Variants in COL5A2 observed in about 807,000 individuals in gnomAD.
COL5A2 encodes the protein collagen alpha-2(V) chain.
COL5A2 carries 23 observed loss-of-function variants against 208.2 expected under a neutral mutation model. The ratio of observed to expected loss-of-function variants is 0.11; its 90% CI spans 0.08 to 0.16. The LOEUF (loss-of-function observed/expected upper bound fraction) is 0.16. Among genes scored for constraint, COL5A2 ranks in the 10% least tolerant of loss-of-function variants. The pLI is 1.00. For missense variants in COL5A2, 1,590 were observed against 1,956.4 expected, an observed-to-expected ratio of 0.81 and a Z score of 3.53; for synonymous variants, 625 against 628.5, an observed-to-expected ratio of 0.99 and a Z score of 0.08.
At chr2:189,125,832 C>G (rs964996352) in intron 1 of COL5A2, among the ~76,000 whole-genome samples, 1 of 151,938 alleles carries the variant, frequency 6.6e-6, no homozygotes, top group Non-Finnish European at 1.5e-5. Flanking sequence ...CCCATAACCC[C>G]CATATTGTTT....
the COL5A2 span, among the ~76,000 whole-genome samples, chr2:189,401,707 T>A: frequency 6.6e-6 from 1 of 152,236 alleles, no homozygotes; most frequent in South Asian, 2.1e-4. Context: ...CCTTTTTCTC[T>A]ACAACCTCAC....
At chr2:189,296,528 T>C in the COL5A2 span, among the ~76,000 whole-genome samples, 1 of 152,232 alleles carries the variant, frequency 6.6e-6, no homozygotes, top group East Asian at 1.9e-4. Context: ...CTATTACTGA[T>C]TATAAATGGT....
chr2:189,277,540 C>A, the COL5A2 span, among the ~76,000 whole-genome samples: 1 of 152,036 alleles, frequency 6.6e-6, no homozygotes, highest in African/African-American at 2.4e-5. Flanking sequence ...TTTTCCTAGA[C>A]TTAAGAATCA....
the COL5A2 span, among the ~76,000 whole-genome samples, chr2:189,234,448 G>A: frequency 7.4e-4 from 112 of 151,704 alleles, no homozygotes; most frequent in African/African-American, 2.5e-3. Flanking sequence ...TGGCTGAATC[G>A]CATATTTAAA....
chr2:189,110,977 T>G (rs568377078), intron 1 of COL5A2, among the ~76,000 whole-genome samples: 17 of 152,286 alleles, frequency 1.1e-4, no homozygotes, highest in African/African-American at 3.8e-4. Flanking sequence ...TATTTTTAAA[T>G]GTACAGTAAA....
At position 189,154,902 on chromosome 2, in the gene COL5A2, G is replaced by A. The variant is rs186195248; in HGVS notation, c.97+24606C>T. 1.2e-4 allele frequency among the ~76,000 whole-genome samples: 18 copies of A among 152,258 alleles called. 1 individual carries two copies. The East Asian group carries it at 2.5e-3, about 21-fold the overall frequency. ...ATTAGGTTGTAACTAAATGCTTGAC[G>A]AATGAATGAATAAATTAGTGGTTAT... is the stretch of plus-strand genomic sequence containing the variant. On this transcript the variant is annotated intron_variant, in intron 1 of 53. Transcript: ENST00000374866.
intron 1 of COL5A2, among the ~76,000 whole-genome samples, chr2:189,174,264 G>C (rs1033484056): frequency 6.6e-6 from 1 of 152,230 alleles, no homozygotes; most frequent in African/African-American, 2.4e-5. Context: ...GAAAGTAAGA[G>C]AGAGGAAATA....
chr2:189,402,441 G>A, the COL5A2 span, among the ~76,000 whole-genome samples: 13 of 152,130 alleles, frequency 8.5e-5, no homozygotes, highest in Non-Finnish European at 1.6e-4. Context: ...GGATGGTCTC[G>A]ATCTCCTGAC....
the COL5A2 span, among the ~76,000 whole-genome samples, chr2:189,355,211 A>C: frequency 6.6e-6 from 1 of 152,260 alleles, no homozygotes; most frequent in African/African-American, 2.4e-5. Context: ...CACGTGGTCA[A>C]TTTTAGAATA....
chr2:189,303,767 C>G, the COL5A2 span, among the ~76,000 whole-genome samples: 36 of 152,298 alleles, frequency 2.4e-4, no homozygotes, highest in East Asian at 6.4e-3. Flanking sequence ...GAGCTGTAAC[C>G]AATGTCACTG....
chr2:189,334,036 AT>A, the COL5A2 span, among the ~76,000 whole-genome samples: 7,024 of 152,070 alleles, frequency 0.046, 534 homozygotes, highest in African/African-American at 0.15. Flanking sequence ...ATCTCAATAG[AT>A]TTTTTAAACT....
intron 1 of COL5A2, among the ~76,000 whole-genome samples, chr2:189,126,990 A>T (rs892020310): frequency 1.3e-5 from 2 of 152,102 alleles, no homozygotes; most frequent in African/African-American, 2.4e-5. Context: ...TAACCAAGGA[A>T]CTAAAGTGCA....
At chr2:189,127,196 C>CA (rs368447007) in intron 1 of COL5A2, among the ~76,000 whole-genome samples, 13 of 150,908 alleles carry the variant, frequency 8.6e-5, no homozygotes, top group South Asian at 2.1e-4. Flanking sequence ...AGAGAAGAGA[C>CA]AAAAAAAAGG....
chr2:189,404,532 C>A, the COL5A2 span, among the ~76,000 whole-genome samples: 1 of 152,188 alleles, frequency 6.6e-6, no homozygotes, highest in African/African-American at 2.4e-5. Context: ...TTATAACAGA[C>A]CTGCAAACTG....
chr2:189,038,351 G>C (rs189348229), intron 51 of COL5A2, among the ~76,000 whole-genome samples: 3 of 152,278 alleles, frequency 2.0e-5, no homozygotes, highest in Admixed American at 1.3e-4. Context: ...TTGCTGCAAA[G>C]GACATGATTT....
the COL5A2 span, among the ~76,000 whole-genome samples, chr2:189,356,788 T>A: frequency 3.9e-3 from 586 of 152,172 alleles, 6 homozygotes; most frequent in African/African-American, 0.013. Context: ...TGGCGAGGAG[T>A]TGTGATCCTT....
chr2:189,280,481 T>C, the COL5A2 span, among the ~76,000 whole-genome samples: 4 of 152,210 alleles, frequency 2.6e-5, no homozygotes, highest in Non-Finnish European at 4.4e-5. Flanking sequence ...TTTCTTACAT[T>C]TTGCAAAATA....
the COL5A2 span, among the ~76,000 whole-genome samples, chr2:189,288,434 G>T: frequency 6.6e-6 from 1 of 152,130 alleles, no homozygotes; most frequent in South Asian, 2.1e-4. Context: ...GTAATGTGAT[G>T]ACTATGAATA....
the COL5A2 span, among the ~76,000 whole-genome samples, chr2:189,417,200 AAAAC>A: frequency 1.1e-3 from 170 of 152,268 alleles, no homozygotes; most frequent in African/African-American, 3.7e-3. Context: ...TTTATGGACT[AAAAC>A]AGAAGTCTAT....
Sources: allele counts gnomAD v4.1 joint callset (sites outside exome capture counted in the v4.1 genomes callset), GRCh38; gene constraint gnomAD v4.1.1; transcripts MANE v1.5; gene names NCBI Gene and HGNC (gene_info 2026-07-23, HGNC 2026-07-21).